Variants in GALNT13 observed in about 807,000 individuals in gnomAD.
GALNT13 encodes polypeptide N-acetylgalactosaminyltransferase 13, also known as UDP-GalNAc:polypeptide N-acetylgalactosaminyltransferase 13.
GALNT13 carries 28 observed loss-of-function variants against 64.2 expected under a neutral mutation model. The ratio of observed to expected loss-of-function variants is 0.44; its 90% CI spans 0.32 to 0.60. The LOEUF is 0.60. GALNT13 is among the 20% of genes least tolerant of loss of function. GALNT13 has a pLI of 0.05. For missense variants in GALNT13, 577 were observed against 669.8 expected, an observed-to-expected ratio of 0.86 and a Z score of 1.53; for synonymous variants, 214 against 224.6, an observed-to-expected ratio of 0.95 and a Z score of 0.42.
chr2:154,289,933 A>T (rs1016565618), intron 8 of GALNT13, among the ~76,000 whole-genome samples: 3 of 152,170 alleles, frequency 2.0e-5, no homozygotes, highest in Non-Finnish European at 4.4e-5. Context: ...GTCTAGTGAG[A>T]GAGATGCTGA....
intron 3 of GALNT13, among the ~76,000 whole-genome samples, chr2:154,106,757 A>G (rs1702638132): frequency 6.6e-6 from 1 of 151,942 alleles, no homozygotes; most frequent in Non-Finnish European, 1.5e-5. Context: ...TTGATAATTT[A>G]TAATTATATA....
chr2:153,319,293 G>T, the GALNT13 span, among the ~76,000 whole-genome samples: 1 of 152,034 alleles, frequency 6.6e-6, no homozygotes, highest in African/African-American at 2.4e-5. Flanking sequence ...AAGATACAAG[G>T]TCTCAAGGTC....
At chr2:154,153,619 G>T (rs1684204610) in intron 4 of GALNT13, among the ~76,000 whole-genome samples, 2 of 152,322 alleles carry the variant, frequency 1.3e-5, no homozygotes, top group African/African-American at 2.4e-5. Flanking sequence ...GTTTACCTAA[G>T]CAAGCCTGGG....
chr2:153,656,646 T>C, the GALNT13 span, among the ~76,000 whole-genome samples: 1 of 152,092 alleles, frequency 6.6e-6, no homozygotes, highest in African/African-American at 2.4e-5. Flanking sequence ...AATAAGGTTG[T>C]GTTATTTTTG....
At chr2:153,868,142 T>C (rs1685796618), upstream of GALNT13, among the ~76,000 whole-genome samples, 1 of 152,330 alleles carries the variant, frequency 6.6e-6, no homozygotes, top group East Asian at 1.9e-4. Context: ...GCAGTGAGCA[T>C]TAGCCTTAGC....
the GALNT13 span, among the ~76,000 whole-genome samples, chr2:153,568,377 C>G: frequency 6.6e-5 from 10 of 152,104 alleles, no homozygotes; most frequent in South Asian, 2.1e-4. Flanking sequence ...GCTACCACAC[C>G]TGGCACAAAG....
chr2:153,203,034 C>T, the GALNT13 span, among the ~76,000 whole-genome samples: 24 of 152,240 alleles, frequency 1.6e-4, no homozygotes, highest in African/African-American at 4.1e-4. Flanking sequence ...ATGTGCCTTT[C>T]GGTGTCTCCT....
the GALNT13 span, among the ~76,000 whole-genome samples, chr2:153,651,804 A>C: frequency 6.6e-6 from 1 of 152,206 alleles, no homozygotes; most frequent in African/African-American, 2.4e-5. Flanking sequence ...TTGACTATTC[A>C]TTTCCTAAAA....
the GALNT13 span, among the ~76,000 whole-genome samples, chr2:153,570,078 C>T: frequency 6.6e-6 from 1 of 152,236 alleles, no homozygotes; most frequent in African/African-American, 2.4e-5. Flanking sequence ...TGCAAGTGTT[C>T]CCTTTTCTCC....
At chr2:153,426,708 A>G in the GALNT13 span, among the ~76,000 whole-genome samples, 1 of 151,966 alleles carries the variant, frequency 6.6e-6, no homozygotes, top group Non-Finnish European at 1.5e-5. Flanking sequence ...GTTGGCATGC[A>G]CAACTTGAGG....
the GALNT13 span, among the ~76,000 whole-genome samples, chr2:153,395,252 A>G: frequency 1.3e-5 from 2 of 152,158 alleles, no homozygotes; most frequent in Non-Finnish European, 2.9e-5. Context: ...TAAATTGGCA[A>G]TCAAAGGCAA....
the GALNT13 span, among the ~76,000 whole-genome samples, chr2:153,670,114 GA>G: frequency 2.0e-5 from 3 of 152,230 alleles, no homozygotes; most frequent in African/African-American, 7.2e-5. Context: ...TGGGGGCAGG[GA>G]ATATCTGAAC....
downstream of GALNT13, among the ~76,000 whole-genome samples, chr2:154,454,375 T>C (rs139386815): frequency 1.8e-3 from 277 of 152,206 alleles, 2 homozygotes; most frequent in African/African-American, 6.4e-3. Context: ...ATTAAACATG[T>C]TATGGGGCCA....
At chr2:153,542,088 C>A in the GALNT13 span, among the ~76,000 whole-genome samples, 10 of 151,982 alleles carry the variant, frequency 6.6e-5, no homozygotes, top group African/African-American at 2.4e-4. Flanking sequence ...GAGGCTGAGG[C>A]GGGTGGAACA....
At chr2:154,283,623 G>A (rs1460288306) in intron 8 of GALNT13, among the ~76,000 whole-genome samples, 1 of 150,686 alleles carries the variant, frequency 6.6e-6, no homozygotes, top group Non-Finnish European at 1.5e-5. Flanking sequence ...ATGTAGAAAC[G>A]TGATGCTTTT....
the GALNT13 span, among the ~76,000 whole-genome samples, chr2:153,726,242 G>A: frequency 6.6e-6 from 1 of 152,036 alleles, no homozygotes; most frequent in African/African-American, 2.4e-5. Flanking sequence ...ATTATAATTT[G>A]AGACATTTGG....
intron 9 of GALNT13, among the ~76,000 whole-genome samples, chr2:154,353,237 A>G (rs1331238518): frequency 6.6e-6 from 1 of 152,102 alleles, no homozygotes; most frequent in African/African-American, 2.4e-5. Flanking sequence ...TATTCATGGA[A>G]CCCCTGTATA....
At chr2:153,725,889 G>A in the GALNT13 span, among the ~76,000 whole-genome samples, 3 of 151,540 alleles carry the variant, frequency 2.0e-5, no homozygotes, top group Non-Finnish European at 4.4e-5. Context: ...TCTTTTGTGT[G>A]TGTATACAGT....
the GALNT13 span, among the ~76,000 whole-genome samples, chr2:153,203,230 A>C: frequency 6.6e-6 from 1 of 152,240 alleles, no homozygotes; most frequent in Non-Finnish European, 1.5e-5. Flanking sequence ...TCCCTGCAAA[A>C]ACAGAGCAAT....
Sources: allele counts gnomAD v4.1 joint callset (sites outside exome capture counted in the v4.1 genomes callset), GRCh38; gene constraint gnomAD v4.1.1; transcripts MANE v1.5; gene names NCBI Gene and HGNC (gene_info 2026-07-23, HGNC 2026-07-21).